The following ZNF675 variants were observed in gnomAD, a reference collection of about 807,000 sequenced individuals.
The protein encoded by ZNF675 is TRAF6 inhibitory zinc finger.
ZNF675 carries 36 observed loss-of-function variants against 56.1 expected under a neutral mutation model. The ratio of observed to expected loss-of-function variants is 0.64; its 90% CI spans 0.49 to 0.85. The LOEUF is 0.85. Ranked by LOEUF, ZNF675 falls within the 40% of genes least tolerant of loss-of-function variation. ZNF675 has a pLI of 0.00. For synonymous variants in ZNF675, 200 were observed against 218.9 expected (o/e 0.91, Z 0.76); for missense variants, 663 against 654.2 (o/e 1.01, Z -0.15).
chr19:23,678,052 G>A (rs1021447123), intron 1 of ZNF675, among the ~76,000 whole-genome samples: 4 of 151,422 alleles, frequency 2.6e-5, no homozygotes, highest in South Asian at 2.1e-4. Flanking sequence ...CCCCAGAGGC[G>A]GGAGGCTGCA....
chr19:23,672,990 C>T (rs1968245972), intron 1 of ZNF675, among the ~76,000 whole-genome samples: 1 of 152,052 alleles, frequency 6.6e-6, no homozygotes, highest in Non-Finnish European at 1.5e-5. Context: ...TCCAGTGTGG[C>T]ATTATTAATT....
intron 1 of ZNF675, among the ~76,000 whole-genome samples, chr19:23,683,957 C>T (rs1968409687): frequency 6.6e-6 from 1 of 151,948 alleles, no homozygotes. Flanking sequence ...ATGCAATTTA[C>T]ATTTAAAAAA....
chr19:23,663,378 T>C (rs2144929793), intron 1 of ZNF675, among the ~76,000 whole-genome samples: 1 of 152,238 alleles, frequency 6.6e-6, no homozygotes, highest in East Asian at 1.9e-4. Flanking sequence ...AGTGTATATA[T>C]AATAATTTTC....
At position 23,687,052 on chromosome 19, in the gene ZNF675, T is replaced by C; in HGVS notation, c.-19A>G. 1 of 1,612,810 alleles carries C rather than the reference T, an allele frequency of 6.2e-7. No homozygotes were observed. Among genetic ancestry groups the C allele is most frequent in the Non-Finnish European group, 8.5e-7 (1 of 1,179,242 alleles). ...TCACCATTTCTAGGCTTCCAGGGGGTCCTGGAGTCTTAGCTGTGGATCTCT... is the reference window on the plus strand; with the variant it reads ...TCACCATTTCTAGGCTTCCAGGGGGCCCTGGAGTCTTAGCTGTGGATCTCT... On this transcript the variant is annotated 5_prime_UTR_variant, in exon 1 of 4. Coordinates refer to ENST00000359788, the MANE Select transcript of ZNF675 (RefSeq NM_138330.3).
intron 1 of ZNF675, among the ~76,000 whole-genome samples, chr19:23,664,608 C>G (rs1420065134): frequency 3.9e-5 from 6 of 152,088 alleles, no homozygotes; most frequent in Non-Finnish European, 7.4e-5. Context: ...TATCTTGAAC[C>G]CCTCATACTT....
In ZNF675 at chr19:23,653,852, T is replaced by C; in HGVS notation, c.1081A>G (p.Ile361Val). 2 of 1,613,738 alleles carry C rather than the reference T, an allele frequency of 1.2e-6. No homozygotes were observed. The highest frequency in any genetic ancestry group is 1.1e-5 in the South Asian group (1 of 91,064). The change falls in exon 4 of 4, where the codon ATT becomes GTT. Residue 361 changes from isoleucine (I) to valine (V), a missense_variant. Physicochemically the swap from Ile to Val is conservative, Grantham distance 29. Around this residue, in one of 3 missense-constraint regions of ZNF675, gnomAD observed 617 missense variants for 590.5 expected, o/e 1.04. Transcript: ENST00000359788. ...TTGTAGGGTTGCTCTCCAGTATGAA[T>C]GTTTTTATGTTCAGTAAGTTTTGAG... is the stretch of plus-strand genomic sequence containing the variant. ...RSSKLTEHKN[I>V]HTGEQPYKCE...
intron 1 of ZNF675, among the ~76,000 whole-genome samples, chr19:23,682,298 T>C (rs1211104758): frequency 6.6e-6 from 1 of 151,934 alleles, no homozygotes; most frequent in African/African-American, 2.4e-5. Context: ...TCTTCTGCTA[T>C]TTTCTTTCTA....
At chr19:23,684,732 C>T (rs141514068) in intron 1 of ZNF675, among the ~76,000 whole-genome samples, 1 of 152,328 alleles carries the variant, frequency 6.6e-6, no homozygotes, top group East Asian at 1.9e-4. Context: ...ATCCTGCTCA[C>T]TTAAGTGCTC....
At chr19:23,664,081 TA>T (rs1408975412) in intron 1 of ZNF675, among the ~76,000 whole-genome samples, 1 of 152,100 alleles carries the variant, frequency 6.6e-6, no homozygotes, top group African/African-American at 2.4e-5. Flanking sequence ...TATAAGTAGT[TA>T]AAACAAATTC....
intron 3 of ZNF675, chr19:23,655,496 A>G (rs1177997415): frequency 6.6e-6 from 1 of 150,436 alleles, no homozygotes; most frequent in Non-Finnish European, 1.5e-5. Context: ...CTTTTTTTTT[A>G]AATGAACTAG....
At chr19:23,667,449 G>A (rs1968167968) in intron 1 of ZNF675, among the ~76,000 whole-genome samples, 1 of 152,154 alleles carries the variant, frequency 6.6e-6, no homozygotes, top group African/African-American at 2.4e-5. Flanking sequence ...GTAGAGCCGA[G>A]TGGTCTGCTT....
intron 1 of ZNF675, among the ~76,000 whole-genome samples, chr19:23,678,261 C>CTTT (rs71165873): frequency 9.3e-5 from 13 of 139,600 alleles, no homozygotes; most frequent in African/African-American, 2.2e-4. Flanking sequence ...CAAAAATATT[C>CTTT]TTTTTTTTTT....
chr19:23,684,473 C>T (rs752739765), intron 1 of ZNF675, among the ~76,000 whole-genome samples: 3 of 151,672 alleles, frequency 2.0e-5, no homozygotes, highest in African/African-American at 7.3e-5. Context: ...GGGAAAACCC[C>T]GTTTCTACTA....
At chr19:23,683,326 C>T (rs1441524926) in intron 1 of ZNF675, among the ~76,000 whole-genome samples, 1 of 151,674 alleles carries the variant, frequency 6.6e-6, no homozygotes, top group African/African-American at 2.4e-5. Context: ...TATTCACTGC[C>T]ACAAATTTAT....
Position 23,678,179 on chromosome 19 carries a change from T to C in ZNF675, c.3+8852A>G, listed in dbSNP as rs142085173. ...TGGAAAATCATTTTGTGCTCATTGA[T>C]AGAAAAGTTCGGTATTAATATGGCC... On this transcript the variant is annotated intron_variant, in intron 1 of 3. Coordinates refer to ENST00000359788, the MANE Select transcript of ZNF675 (RefSeq NM_138330.3). Among the ~76,000 whole-genome samples, 5 of 151,444 alleles carry C rather than the reference T, an allele frequency of 3.3e-5. 1 individual carries two copies. Among genetic ancestry groups the C allele is most frequent in the African/African-American group, 4.9e-5 (2 of 40,968 alleles).
chr19:23,683,119 G>A (rs1169408201), intron 1 of ZNF675, among the ~76,000 whole-genome samples: 1 of 151,334 alleles, frequency 6.6e-6, no homozygotes, highest in Non-Finnish European at 1.5e-5. Context: ...AATCTGGGAG[G>A]CGGAAGGTTG....
In ZNF675 at chr19:23,687,186, C is replaced by T. The variant is rs1968455902; in HGVS notation, c.-153G>A. 2 of 883,504 alleles carry T rather than the reference C, an allele frequency of 2.3e-6. No individual in the cohort carries two copies. Among genetic ancestry groups the T allele is most frequent in the Admixed American group, 2.3e-5 (1 of 43,354 alleles). The allele number at this position is 883,504 out of a possible 1,614,324, so 54.7% of individuals were successfully genotyped here. ...CGGCTGCAGCGAGAGACAAAGGCGC[C>T]GCCAAATCCCGGAAGCCATCTTGTC... On this transcript the variant is annotated 5_prime_UTR_variant, in exon 1 of 4. Coordinates refer to ENST00000359788, the MANE Select transcript of ZNF675 (RefSeq NM_138330.3).
intron 1 of ZNF675, among the ~76,000 whole-genome samples, chr19:23,675,685 A>G (rs531233246): frequency 6.6e-6 from 1 of 151,826 alleles, no homozygotes; most frequent in African/African-American, 2.4e-5. Flanking sequence ...GAATCACTGC[A>G]ACAAAACTAA....
chr19:23,673,900 T>C (rs1053590236), intron 1 of ZNF675, among the ~76,000 whole-genome samples: 13 of 151,610 alleles, frequency 8.6e-5, no homozygotes, highest in Admixed American at 6.6e-4. Flanking sequence ...TCCACAATGA[T>C]AGAACATTAA....
Sources: gnomAD v4.1 joint callset for allele counts (sites outside exome capture counted in the v4.1 genomes callset) on GRCh38, gnomAD v4.1.1 for gene constraint, gnomAD v4.1.1 regional missense constraint, MANE v1.5 for transcripts, NCBI Gene and HGNC (gene_info 2026-07-23, HGNC 2026-07-21) for gene names.